Variants in DMXL1 observed in about 807,000 individuals in gnomAD.
DMXL1 encodes the protein Dmx like 1.
Under a neutral mutation model 319.2 loss-of-function variants are expected in DMXL1, and 99 were observed. The ratio of observed to expected loss-of-function variants is 0.31; its 90% CI spans 0.26 to 0.37. The LOEUF (loss-of-function observed/expected upper bound fraction) is 0.37, where lower values mean the gene tolerates loss of function less well. Ranked by LOEUF, DMXL1 falls within the 10% of genes least tolerant of loss-of-function variation. The pLI is 1.00. For synonymous variants in DMXL1, 1,385 were observed against 1,235.2 expected (o/e 1.12, Z -2.54); for missense variants, 3,745 against 3,595.6 (o/e 1.04, Z -1.06).
At chr5:119,159,288 A>C (rs1771753816) in intron 19 of DMXL1, among the ~76,000 whole-genome samples, 1 of 152,088 alleles carries the variant, frequency 6.6e-6, no homozygotes, top group Non-Finnish European at 1.5e-5. Context: ...GTAGAGACAG[A>C]GTTTCACCAT....
At chr5:119,171,313 C>G (rs775639407) in intron 24 of DMXL1, 33 bp downstream of exon 24, 1 of 1,543,310 alleles carries the variant, frequency 6.5e-7, no homozygotes, top group Non-Finnish European at 8.7e-7. Context: ...AAAAATGGTA[C>G]ATGTCTAAAA....
chr5:119,196,090 G>C (rs1779570379), intron 30 of DMXL1, among the ~76,000 whole-genome samples: 1 of 151,900 alleles, frequency 6.6e-6, no homozygotes, highest in Non-Finnish European at 1.5e-5. Flanking sequence ...TTAACACTTA[G>C]AGATCCTTCT....
At chr5:119,130,124 A>G (rs1053197785) in intron 10 of DMXL1, among the ~76,000 whole-genome samples, 8 of 151,916 alleles carry the variant, frequency 5.3e-5, no homozygotes, top group African/African-American at 1.9e-4. Context: ...TAATTTGTTT[A>G]ATTTTTAATT....
rs771177132 is a variant in DMXL1 at position 119,197,883 on chromosome 5, G to A, written c.7672G>A (p.Glu2558Lys). 38 of 1,614,062 alleles carry A rather than the reference G, an allele frequency of 2.4e-5. No homozygotes were observed. Among genetic ancestry groups the A allele is most frequent in the Middle Eastern group, 1.6e-4 (1 of 6,084 alleles). Residue 2558 changes from glutamate to lysine, a missense_variant, in exon 32 of 44, where the codon GAA becomes AAA. Glu to Lys is a moderately conservative substitution (Grantham distance 56). This residue lies in a region of DMXL1 where 1,382 missense variants were observed against 1,269.5 expected (regional missense o/e 1.09). Transcript: ENST00000539542. ...PQNYIASHTA[E>K]ESLSAGPAIL... ...AAATTATATCGCAAGTCATACCGCCGAAGAGAGTTTGTCTGCAGGTCCTGC... is the reference window on the plus strand; with the variant it reads ...AAATTATATCGCAAGTCATACCGCCAAAGAGAGTTTGTCTGCAGGTCCTGC...
rs1334223538 is a variant in DMXL1 at position 119,134,119 on chromosome 5, A to G, written c.2195A>G (p.His732Arg). 1 of 1,613,944 alleles carries G rather than the reference A, an allele frequency of 6.2e-7. No individual in the cohort carries two copies. The highest frequency in any genetic ancestry group is 8.5e-7 in the Non-Finnish European group (1 of 1,180,038). ...VSELARINSL[H>R]VSAFSNVAWL... Reference sequence around the variant, plus strand: ...GAGCTTGCCCGGATTAATTCTCTTCATGTTTCTGCCTTTTCCAATGTGGCA... The same window carrying G: ...GAGCTTGCCCGGATTAATTCTCTTCGTGTTTCTGCCTTTTCCAATGTGGCA... The change falls in exon 12 of 44, where the codon CAT becomes CGT. Residue 732 changes from histidine to arginine, a missense_variant. By Grantham distance (29) the His-to-Arg change is conservative (BLOSUM62 0). Coordinates refer to ENST00000539542, the MANE Select transcript of DMXL1 (RefSeq NM_001290321.3).
chr5:119,204,288 C>T (rs1266108115), intron 33 of DMXL1, among the ~76,000 whole-genome samples: 1 of 152,160 alleles, frequency 6.6e-6, no homozygotes, highest in African/African-American at 2.4e-5. Flanking sequence ...CAGATGAACG[C>T]CACCATGCCT....
intron 30 of DMXL1, 40 bp downstream of exon 30, chr5:119,194,010 T>G (rs1779160825): frequency 7.4e-7 from 1 of 1,359,056 alleles, no homozygotes; most frequent in African/African-American, 1.5e-5. Context: ...TTAAAAATAA[T>G]GGTGTATATA....
At chr5:119,209,901 A>G (rs1782439763) in intron 34 of DMXL1, among the ~76,000 whole-genome samples, 1 of 152,196 alleles carries the variant, frequency 6.6e-6, no homozygotes, top group Non-Finnish European at 1.5e-5. Context: ...TTTATCAGAA[A>G]TGTGATTTGC....
intron 3 of DMXL1, among the ~76,000 whole-genome samples, chr5:119,103,699 A>C (rs936177687): frequency 6.6e-6 from 1 of 152,242 alleles, no homozygotes; most frequent in Non-Finnish European, 1.5e-5. Context: ...CTTAAGAATT[A>C]GTAATTGGCA....
chr5:119,203,746 A>T (rs1781244763), intron 33 of DMXL1, among the ~76,000 whole-genome samples: 1 of 152,210 alleles, frequency 6.6e-6, no homozygotes, highest in Non-Finnish European at 1.5e-5. Flanking sequence ...TGTGACAGTT[A>T]AAAGAAGTCT....
chr5:119,156,182 A>G (rs1245669445), intron 19 of DMXL1, among the ~76,000 whole-genome samples: 4 of 152,250 alleles, frequency 2.6e-5, no homozygotes, highest in Non-Finnish European at 5.9e-5. Flanking sequence ...TACCCTGATC[A>G]GTCAGCAGCC....
rs559033880 is a variant in DMXL1 at position 119,071,304 on chromosome 5, C to T, written c.-266C>T. On this transcript the variant is annotated 5_prime_UTR_variant, in exon 1 of 44. Coordinates refer to ENST00000539542, the MANE Select transcript of DMXL1 (RefSeq NM_001290321.3). ...GCCGGTGAGGGGACCCTGAGCTTCA[C>T]CTGGGCTAGCGCGGGGAGTGACAGG... is the stretch of plus-strand genomic sequence containing the variant. 43 of 473,778 alleles carry T rather than the reference C, an allele frequency of 9.1e-5. No homozygotes were observed. Among genetic ancestry groups the T allele is most frequent in the Middle Eastern group, 5.8e-4 (1 of 1,716 alleles). 29.3% of individuals were successfully genotyped at this position (473,778 alleles called of 1,614,324 possible).
chr5:119,157,559 C>A (rs1207461078), intron 19 of DMXL1, among the ~76,000 whole-genome samples: 1 of 152,172 alleles, frequency 6.6e-6, no homozygotes, highest in East Asian at 1.9e-4. Flanking sequence ...GTTTTCCCAG[C>A]ACCATTTTTT....
chr5:119,202,903 A>ATATT (rs1561865901), intron 32 of DMXL1, among the ~76,000 whole-genome samples: 1 of 144,272 alleles, frequency 6.9e-6, no homozygotes, highest in African/African-American at 2.5e-5. Context: ...ATATATATAT[A>ATATT]TATTTATATA....
intron 3 of DMXL1, among the ~76,000 whole-genome samples, chr5:119,103,861 A>G (rs1305245681): frequency 6.6e-6 from 1 of 152,190 alleles, no homozygotes; most frequent in Non-Finnish European, 1.5e-5. Context: ...AGAATAGAGA[A>G]TTTCAATGTT....
At chr5:119,175,000 T>A (rs982148413) in intron 25 of DMXL1, among the ~76,000 whole-genome samples, 1 of 152,186 alleles carries the variant, frequency 6.6e-6, no homozygotes, top group East Asian at 1.9e-4. Flanking sequence ...TCTGTTCCCC[T>A]TTGCTCTAGA....
chr5:119,214,849 G>A (rs144856029), intron 34 of DMXL1, among the ~76,000 whole-genome samples: 1,808 of 152,182 alleles, frequency 0.012, 20 homozygotes, highest in Non-Finnish European at 0.019. Context: ...TGTAAAGTTC[G>A]AAAAAGCTCC....
chr5:119,203,236 A>G, intron 32 of DMXL1, 83 bp from the exon 33 acceptor site: 3 of 870,180 alleles, frequency 3.4e-6, no homozygotes, highest in Non-Finnish European at 3.5e-6. Context: ...ATTTATTATA[A>G]TTTATATGGC....
intron 38 of DMXL1, among the ~76,000 whole-genome samples, chr5:119,227,733 G>A (rs1274593822): frequency 1.3e-5 from 2 of 152,086 alleles, no homozygotes; most frequent in Admixed American, 6.6e-5. Flanking sequence ...CAAAGCCTTG[G>A]TAATACGACC....
Sources: gnomAD v4.1 joint callset for allele counts (sites outside exome capture counted in the v4.1 genomes callset) on GRCh38, gnomAD v4.1.1 for gene constraint, gnomAD v4.1.1 regional missense constraint, MANE v1.5 for transcripts, NCBI Gene and HGNC (gene_info 2026-07-23, HGNC 2026-07-21) for gene names.